MBD5: variants seen among roughly 807,000 people sequenced by gnomAD.
MBD5 encodes the protein methyl-CpG-binding domain protein 5.
Under a neutral mutation model 117.3 loss-of-function variants are expected in MBD5, and 13 were observed. The observed-to-expected ratio is 0.11, with a 90% CI of 0.07 to 0.18. The LOEUF is 0.18. MBD5 is among the 10% of genes least tolerant of loss of function. MBD5 has a pLI of 1.00. For missense variants in MBD5, 1,879 were observed against 2,093.8 expected, an observed-to-expected ratio of 0.90 and a Z score of 2.00; for synonymous variants, 727 against 766.4, an observed-to-expected ratio of 0.95 and a Z score of 0.85.
intron 4 of MBD5, among the ~76,000 whole-genome samples, chr2:148,354,149 A>G (rs2204324): frequency 0.28 from 42,950 of 151,998 alleles, 6,314 homozygotes; most frequent in African/African-American, 0.33. Flanking sequence ...GAACATGCAG[A>G]TATGCTACAT....
chr2:148,155,521 C>G (rs1396517828), intron 1 of MBD5, among the ~76,000 whole-genome samples: 1 of 152,180 alleles, frequency 6.6e-6, no homozygotes, highest in Non-Finnish European at 1.5e-5. Context: ...TCCTCCACAT[C>G]TTGTAAGTTA....
At chr2:148,253,280 A>G (rs1700507884) in intron 3 of MBD5, among the ~76,000 whole-genome samples, 1 of 152,214 alleles carries the variant, frequency 6.6e-6, no homozygotes, top group Non-Finnish European at 1.5e-5. Flanking sequence ...AGACCTTTAT[A>G]TGTAGTTATT....
At chr2:148,436,358 GTTGTTTTGTT>G (rs1000867948) in intron 4 of MBD5, among the ~76,000 whole-genome samples, 2 of 151,938 alleles carry the variant, frequency 1.3e-5, no homozygotes, top group African/African-American at 4.8e-5. Context: ...TTTTGTTGCT[GTTGTTTTGTT>G]TTGTTTTGTT....
intron 1 of MBD5, among the ~76,000 whole-genome samples, chr2:148,068,364 C>T (rs537270315): frequency 1.3e-5 from 2 of 152,192 alleles, no homozygotes; most frequent in South Asian, 2.1e-4. Context: ...ATGGTTGTCC[C>T]GTGAATTTGC....
intron 4 of MBD5, chr2:148,447,599 G>C (rs917932287): frequency 6.6e-6 from 1 of 152,128 alleles, no homozygotes. Context: ...TAGAGGCCAG[G>C]CTGATGGGAA....
intron 4 of MBD5, among the ~76,000 whole-genome samples, chr2:148,420,791 A>C (rs567853147): frequency 2.0e-4 from 31 of 152,110 alleles, no homozygotes; most frequent in African/African-American, 6.7e-4. Context: ...CGGTGGTGCT[A>C]TCTCTGCTCA....
chr2:148,197,811 T>G (rs112886435), intron 2 of MBD5, among the ~76,000 whole-genome samples: 4,919 of 114,330 alleles, frequency 0.043, 256 homozygotes, highest in African/African-American at 0.13. Context: ...TTTTTGTTTT[T>G]TTTTTTGTTT....
chr2:148,301,746 G>A (rs551490684), intron 3 of MBD5, among the ~76,000 whole-genome samples: 36 of 152,272 alleles, frequency 2.4e-4, no homozygotes, highest in Admixed American at 1.2e-3. Flanking sequence ...AGTTGTACAC[G>A]TGCTCACTTG....
chr2:148,266,313 A>T (rs1700859327), intron 3 of MBD5, among the ~76,000 whole-genome samples: 2 of 152,124 alleles, frequency 1.3e-5, no homozygotes, highest in Non-Finnish European at 1.5e-5. Flanking sequence ...ATCCCAATAG[A>T]TACATTAAAA....
intron 3 of MBD5, among the ~76,000 whole-genome samples, chr2:148,235,863 A>G (rs983719592): frequency 1.3e-5 from 2 of 152,100 alleles, no homozygotes; most frequent in Non-Finnish European, 2.9e-5. Flanking sequence ...CAGTGGTGCA[A>G]TCATGGCTCA....
At chr2:148,228,789 C>T (rs1699906059) in intron 2 of MBD5, among the ~76,000 whole-genome samples, 1 of 152,112 alleles carries the variant, frequency 6.6e-6, no homozygotes. Context: ...ATTTCAGAGC[C>T]TGTTATTGAT....
chr2:148,199,260 T>A (rs924894933), intron 2 of MBD5, among the ~76,000 whole-genome samples: 6 of 152,148 alleles, frequency 3.9e-5, no homozygotes, highest in Non-Finnish European at 5.9e-5. Context: ...GTCAGCTGAT[T>A]GTAGGTATTA....
chr2:148,434,488 C>T (rs1255895303), intron 4 of MBD5, among the ~76,000 whole-genome samples: 2 of 151,130 alleles, frequency 1.3e-5, no homozygotes, highest in African/African-American at 4.8e-5. Flanking sequence ...GAGAGTTTTC[C>T]CACTTTTTGA....
intron 8 of MBD5, among the ~76,000 whole-genome samples, chr2:148,473,150 T>C (rs1048775430): frequency 6.6e-5 from 10 of 152,186 alleles, no homozygotes; most frequent in African/African-American, 2.2e-4. Flanking sequence ...ACTATTGATA[T>C]ACTTCAGATG....
intron 3 of MBD5, among the ~76,000 whole-genome samples, chr2:148,312,890 C>T (rs1702066059): frequency 6.6e-6 from 1 of 152,230 alleles, no homozygotes; most frequent in East Asian, 1.9e-4. Flanking sequence ...GTTAGTTTTC[C>T]TTCTAACAGT....
At chr2:148,256,561 C>T (rs1241324221) in intron 3 of MBD5, among the ~76,000 whole-genome samples, 3 of 152,220 alleles carry the variant, frequency 2.0e-5, no homozygotes, top group African/African-American at 4.8e-5. Context: ...ATACAGATTA[C>T]CATCAGTGTC....
chr2:148,267,518 C>T (rs1050691114), intron 3 of MBD5, among the ~76,000 whole-genome samples: 3 of 152,042 alleles, frequency 2.0e-5, no homozygotes, highest in Admixed American at 6.6e-5. Context: ...TGATTTCTCT[C>T]CCATTTTTTT....
chr2:148,415,001 T>C (rs1244043290), intron 4 of MBD5, among the ~76,000 whole-genome samples: 1 of 152,144 alleles, frequency 6.6e-6, no homozygotes, highest in Non-Finnish European at 1.5e-5. Flanking sequence ...GATCCTGTTA[T>C]ATTGTTATAT....
At chr2:148,043,508 T>C (rs1442309818) in intron 1 of MBD5, among the ~76,000 whole-genome samples, 2 of 147,464 alleles carry the variant, frequency 1.4e-5, no homozygotes, top group Admixed American at 1.4e-4. Flanking sequence ...TTCTAGTTAC[T>C]TGGGCTCAGG....
Sources: gnomAD v4.1 joint callset for allele counts (sites outside exome capture counted in the v4.1 genomes callset) on GRCh38, gnomAD v4.1.1 for gene constraint, MANE v1.5 for transcripts, NCBI Gene and HGNC (gene_info 2026-07-23, HGNC 2026-07-21) for gene names.